Variants in LYPD6B observed in about 807,000 individuals in gnomAD.
LYPD6B encodes the protein ly6/PLAUR domain-containing protein 6B.
Under a neutral mutation model 22.8 loss-of-function variants are expected in LYPD6B, and 17 were observed. That is an observed-to-expected ratio of 0.75 (90% CI 0.51 to 1.12). LYPD6B has a LOEUF of 1.12. Ranked by LOEUF, LYPD6B falls within the 50% of genes most tolerant of loss-of-function variation. The pLI is 0.00. For missense variants in LYPD6B, 221 were observed against 258.3 expected, an observed-to-expected ratio of 0.86 and a Z score of 0.99; for synonymous variants, 106 against 91.6, an observed-to-expected ratio of 1.16 and a Z score of -0.90.
intron 2 of LYPD6B, among the ~76,000 whole-genome samples, chr2:149,140,362 G>A (rs1688616617): frequency 6.6e-6 from 1 of 152,230 alleles, no homozygotes; most frequent in South Asian, 2.1e-4. Flanking sequence ...TCAGGGCAGG[G>A]CTGCTGGGAA....
At chr2:149,058,265 G>C (rs948031937) in intron 1 of LYPD6B, among the ~76,000 whole-genome samples, 1 of 152,062 alleles carries the variant, frequency 6.6e-6, no homozygotes, top group African/African-American at 2.4e-5. Context: ...TGGGGTTCCT[G>C]GCCCCTACAC....
intron 1 of LYPD6B, among the ~76,000 whole-genome samples, chr2:149,087,548 A>G (rs1308876621): frequency 6.6e-6 from 1 of 152,152 alleles, no homozygotes; most frequent in African/African-American, 2.4e-5. Flanking sequence ...CCTGGGCAAC[A>G]GAGTGTGACT....
At chr2:149,075,441 A>G (rs1684838456) in intron 1 of LYPD6B, among the ~76,000 whole-genome samples, 1 of 152,196 alleles carries the variant, frequency 6.6e-6, no homozygotes, top group East Asian at 1.9e-4. Context: ...TGGCCAATTT[A>G]GACTTAATGT....
intron 2 of LYPD6B, among the ~76,000 whole-genome samples, chr2:149,140,657 C>T (rs1259692918): frequency 2.0e-5 from 3 of 152,192 alleles, no homozygotes; most frequent in Non-Finnish European, 4.4e-5. Flanking sequence ...ACTTTTGTAG[C>T]ATTGGTGTTG....
At chr2:149,150,375 A>G (rs1336678210) in intron 2 of LYPD6B, among the ~76,000 whole-genome samples, 1 of 152,208 alleles carries the variant, frequency 6.6e-6, no homozygotes, top group Non-Finnish European at 1.5e-5. Flanking sequence ...ATCTTTTAAT[A>G]GGAAGTCAAA....
intron 2 of LYPD6B, among the ~76,000 whole-genome samples, chr2:149,144,242 GC>G (rs1311963279): frequency 1.3e-5 from 2 of 152,188 alleles, no homozygotes; most frequent in Non-Finnish European, 2.9e-5. Flanking sequence ...TTTCTGTATG[GC>G]CTACAAGCTC....
intron 1 of LYPD6B, among the ~76,000 whole-genome samples, chr2:149,126,960 G>T (rs1468272090): frequency 1.3e-5 from 2 of 149,620 alleles, no homozygotes; most frequent in Non-Finnish European, 1.5e-5. Context: ...AGCTTTGTCA[G>T]GTCAGTAATT....
chr2:149,155,858 C>G (rs1461430624), intron 2 of LYPD6B, among the ~76,000 whole-genome samples: 1 of 152,210 alleles, frequency 6.6e-6, no homozygotes, highest in Non-Finnish European at 1.5e-5. Flanking sequence ...CAAAGGACAT[C>G]AATCACTTCT....
At chr2:149,114,021 C>T (rs1042240104) in intron 1 of LYPD6B, among the ~76,000 whole-genome samples, 4 of 152,126 alleles carry the variant, frequency 2.6e-5, no homozygotes, top group Non-Finnish European at 5.9e-5. Flanking sequence ...ACATTCCATT[C>T]CTTCCTCTTT....
chr2:149,107,622 T>G (rs1259755812), intron 1 of LYPD6B, among the ~76,000 whole-genome samples: 1 of 152,246 alleles, frequency 6.6e-6, no homozygotes, highest in East Asian at 1.9e-4. Flanking sequence ...AACTTCCTCT[T>G]TGATGCCTGG....
chr2:149,134,903 T>G (rs149571455), intron 2 of LYPD6B, among the ~76,000 whole-genome samples: 2 of 152,314 alleles, frequency 1.3e-5, no homozygotes, highest in African/African-American at 4.8e-5. Context: ...AAACCAAAGT[T>G]ATCTTAGAAT....
chr2:149,155,911 G>C (rs1480317382), intron 2 of LYPD6B, among the ~76,000 whole-genome samples: 1 of 152,202 alleles, frequency 6.6e-6, no homozygotes, highest in Non-Finnish European at 1.5e-5. Context: ...GATTATTTAT[G>C]AATCAAGCCT....
chr2:149,055,520 A>G (rs1266182362), intron 1 of LYPD6B, among the ~76,000 whole-genome samples: 3 of 152,134 alleles, frequency 2.0e-5, no homozygotes, highest in Non-Finnish European at 4.4e-5. Context: ...TGAAAACCGG[A>G]TGCTTTTCCG....
rs538248732 is a variant in LYPD6B, at chr2:149,079,164, G to A, written c.-67+40363G>A. 4.6e-5 allele frequency among the ~76,000 whole-genome samples: 7 copies of A among 151,930 alleles called. No individual in the cohort carries two copies. The East Asian group carries it at 1.4e-3, about 29-fold the overall frequency. ...TGAGCTCAACTCTAAGCTCTGTGAG[G>A]GCGGGGCTGGTGTCTGTTTTGTTCT... On this transcript the variant is annotated intron_variant, in intron 1 of 6. Transcript: ENST00000409642.
chr2:149,057,039 CA>C (rs1188378908), intron 1 of LYPD6B, among the ~76,000 whole-genome samples: 2 of 152,120 alleles, frequency 1.3e-5, no homozygotes, highest in African/African-American at 4.8e-5. Context: ...GTGCTTACTG[CA>C]AAGTCATCTT....
At chr2:149,168,434 A>G (rs958515872) in intron 3 of LYPD6B, among the ~76,000 whole-genome samples, 1 of 152,088 alleles carries the variant, frequency 6.6e-6, no homozygotes, top group African/African-American at 2.4e-5. Flanking sequence ...AAAGCATCAC[A>G]TTCCAAATTT....
intron 6 of LYPD6B, 54 bp downstream of exon 6, chr2:149,213,176 T>C: frequency 3.1e-6 from 5 of 1,602,588 alleles, no homozygotes; most frequent in Non-Finnish European, 4.3e-6. Flanking sequence ...GTAATGTAAG[T>C]CGTAGATCAA....
At chr2:149,130,991 T>C (rs1372596581) in intron 2 of LYPD6B, 38 bp downstream of exon 2, 1 of 1,457,180 alleles carries the variant, frequency 6.9e-7, no homozygotes, top group Non-Finnish European at 9.6e-7. Context: ...AGAGAAGATA[T>C]TTTTATTTAA....
intron 2 of LYPD6B, among the ~76,000 whole-genome samples, chr2:149,160,223 T>G (rs1689969111): frequency 1.3e-5 from 2 of 152,320 alleles, no homozygotes; most frequent in South Asian, 4.1e-4. Context: ...TCTTTTATAT[T>G]TGCTCATTTG....
Sources: allele counts gnomAD v4.1 joint callset (sites outside exome capture counted in the v4.1 genomes callset), GRCh38; gene constraint gnomAD v4.1.1; transcripts MANE v1.5; gene names NCBI Gene and HGNC (gene_info 2026-07-23, HGNC 2026-07-21).